Variants in RANBP3 observed in about 807,000 individuals in gnomAD.
The protein encoded by RANBP3 is ran-binding protein 3.
Under a neutral mutation model 77.3 loss-of-function variants are expected in RANBP3, and 14 were observed. The observed-to-expected ratio is 0.18, with a 90% CI of 0.12 to 0.28. The LOEUF is 0.28. RANBP3 is among the 10% of genes least tolerant of loss of function. The pLI is 1.00. For missense variants in RANBP3, 586 were observed against 752.3 expected (o/e 0.78, Z 2.59); for synonymous variants, 315 against 312.4 (o/e 1.01, Z -0.09).
At chr19:5,940,025 C>A (rs1052083914) in intron 5 of RANBP3, among the ~76,000 whole-genome samples, 11 of 152,268 alleles carry the variant, frequency 7.2e-5, no homozygotes, top group African/African-American at 2.4e-4. Context: ...GGCCAGCCAA[C>A]AGGTTTCCAC....
chr19:5,977,951 C>A, intron 1 of RANBP3, 110 bp downstream of exon 1: 1 of 1,395,644 alleles, frequency 7.2e-7, no homozygotes, highest in Admixed American at 2.6e-5. Flanking sequence ...TAGCCTGGAG[C>A]GGACGAAACC....
intron 5 of RANBP3, among the ~76,000 whole-genome samples, chr19:5,939,021 T>TA (rs376014352): frequency 1.2e-3 from 185 of 151,968 alleles, no homozygotes; most frequent in African/African-American, 4.3e-3. Context: ...CTGTCTCTAC[T>TA]AAAAAAATAC....
rs2058558953 is a variant in RANBP3, at chr19:5,973,975, G to A, written c.22+4086C>T. Among the ~76,000 whole-genome samples, 4 of 152,240 alleles carry A rather than the reference G, an allele frequency of 2.6e-5. No homozygotes were observed. In the South Asian group the frequency reaches 8.3e-4, roughly 32 times the overall value. On this transcript the variant is annotated intron_variant, in intron 1 of 16. Coordinates refer to ENST00000340578, the MANE Select transcript of RANBP3 (RefSeq NM_007322.3). ...CAGCTCTCTGAGGACCAAAGCCTGT[G>A]TCCCCACCATCGATACCAGTGAGTC...
chr19:5,973,091 G>T (rs1301123376), intron 1 of RANBP3, among the ~76,000 whole-genome samples: 6 of 152,302 alleles, frequency 3.9e-5, no homozygotes, highest in Middle Eastern at 3.4e-3. Flanking sequence ...GATACAGGAG[G>T]CACAGTGGAG....
chr19:5,923,149 G>C lies in RANBP3; in HGVS notation c.1209+45C>G, dbSNP rs761983260. 5 of 1,524,830 alleles carry C rather than the reference G, an allele frequency of 3.3e-6. No homozygotes were observed. The Admixed American group carries it at 5.0e-5, about 15-fold the overall frequency. The allele number at this position is 1,524,830 out of a possible 1,614,324, so 94.5% of individuals were successfully genotyped here. A position where few individuals can be genotyped will look rare whatever the true frequency, so the allele number is the denominator to read the frequency against. On this transcript the variant is annotated intron_variant, in intron 13 of 16. Transcript: ENST00000340578. ...CCAGCCCTTGCGGTTGGACCCCCAG[G>C]TGCATGGAAGACCCAGGGCCACCGA... is the stretch of plus-strand genomic sequence containing the variant.
chr19:5,943,808 A>G (rs1375833904), intron 3 of RANBP3, among the ~76,000 whole-genome samples: 1 of 152,188 alleles, frequency 6.6e-6, no homozygotes, highest in African/African-American at 2.4e-5. Context: ...TCCTTGTAAC[A>G]CAACAGTGGG....
At chr19:5,934,506 T>C (rs1264909350) in intron 5 of RANBP3, 2 of 152,166 alleles carry the variant, frequency 1.3e-5, no homozygotes, top group Non-Finnish European at 2.9e-5. Context: ...AGGAATAAAA[T>C]ACTTGGGAAT....
rs111914290 is a variant in RANBP3, at chr19:5,953,691, T to C, written c.79-2095A>G. ...CACATTAAAAAGAAAAAGAAAGAAC[T>C]CTATCTCCATCCAAGGCAGTTAAGA... On this transcript the variant is annotated intron_variant, in intron 2 of 16. Coordinates refer to ENST00000340578, the MANE Select transcript of RANBP3 (RefSeq NM_007322.3). Among the ~76,000 whole-genome samples, 734 of 152,300 alleles carry C rather than the reference T, an allele frequency of 4.8e-3. 7 individuals are homozygous for C. The highest frequency in any genetic ancestry group is 0.017 in the African/African-American group (707 of 41,552).
chr19:5,927,073 A>G (rs2057920610), intron 9 of RANBP3, among the ~76,000 whole-genome samples: 1 of 152,088 alleles, frequency 6.6e-6, no homozygotes, highest in Admixed American at 6.5e-5. Flanking sequence ...GACAACCACA[A>G]AAGTCTCTAG....
At chr19:5,977,335 ACT>A (rs964633237) in intron 1 of RANBP3, among the ~76,000 whole-genome samples, 3 of 151,798 alleles carry the variant, frequency 2.0e-5, no homozygotes, top group Non-Finnish European at 4.4e-5. Context: ...TGTCAAAAAC[ACT>A]CAGGTGGGCT....
In RANBP3 at chr19:5,945,560, G is replaced by A. The variant is rs76714250; in HGVS notation, c.283-3725C>T. On this transcript the variant is annotated intron_variant, in intron 3 of 16. Transcript: ENST00000340578. ...ACCTATATGTCTGTTAGGTCTGCTT[G>A]GTTTTTGTGTTGCTGAAGTCCTGTT... Among the ~76,000 whole-genome samples, 274 of 152,206 alleles carry A rather than the reference G, an allele frequency of 1.8e-3. 1 individual carries two copies. Among genetic ancestry groups the A allele is most frequent in the African/African-American group, 5.8e-3 (242 of 41,510 alleles).
rs71172783 is a variant in RANBP3, at chr19:5,937,056, CAAAAAAAAAAAAAAAAA to C, written c.407-3594_407-3578del. ...GGGCAACAGAGCAAGACTCTGTCTC[CAAAAAAAAAAAAAAAAA>C]AAAAAAAAAAAGGAAGAAAATCCCA... On this transcript the variant is annotated intron_variant, in intron 5 of 16. Coordinates refer to ENST00000340578, the MANE Select transcript of RANBP3 (RefSeq NM_007322.3). 8.9e-4 allele frequency among the ~76,000 whole-genome samples: 33 copies of C among 37,182 alleles called. 1 individual carries two copies. The highest frequency in any genetic ancestry group is 2.9e-3 in the African/African-American group (32 of 11,088). 24.4% of individuals were successfully genotyped at this position (37,182 alleles called of 152,430 possible).
At chr19:5,918,285 G>A (rs192517280) in intron 15 of RANBP3, 7 of 646,614 alleles carry the variant, frequency 1.1e-5, no homozygotes, top group Admixed American at 9.6e-5. Context: ...AAACCCCAGC[G>A]GCTTCTCTGG....
chr19:5,965,375 AATAGCAGGC>A (rs1199032554), intron 1 of RANBP3, among the ~76,000 whole-genome samples: 1 of 152,156 alleles, frequency 6.6e-6, no homozygotes, highest in Non-Finnish European at 1.5e-5. Flanking sequence ...GTGAGAGTTA[AATAGCAGGC>A]TTCCTGGTAG....
intron 1 of RANBP3, chr19:5,962,622 T>C (rs1277573144): frequency 1.5e-5 from 7 of 455,452 alleles, no homozygotes; most frequent in East Asian, 6.9e-5. Flanking sequence ...TCTCGGCCCA[T>C]TGGGACCCCT....
At chr19:5,947,329 G>T (rs1465999684) in intron 3 of RANBP3, among the ~76,000 whole-genome samples, 1 of 145,924 alleles carries the variant, frequency 6.9e-6, no homozygotes, top group Non-Finnish European at 1.5e-5. Flanking sequence ...AAAAAAAAAA[G>T]AAAGAAAAGA....
At position 5,922,710 on chromosome 19, in the gene RANBP3, C is replaced by A. The variant is rs978660883; in HGVS notation, c.1209+484G>T. On this transcript the variant is annotated intron_variant, in intron 13 of 16. Transcript: ENST00000340578. ...ATCCCAGCACTTTGGGAGGCCGAGG[C>A]GGGTGGATCACATGAGGTCAGGAGT... Among the ~76,000 whole-genome samples the A allele has an allele frequency of 2.4e-4, 37 of 152,172 alleles. 1 individual carries two copies. Among genetic ancestry groups the A allele is most frequent in the Admixed American group, 1.3e-3 (20 of 15,280 alleles).
At chr19:5,933,275 A>G in intron 6 of RANBP3, 139 bp downstream of exon 6, 1 of 662,314 alleles carries the variant, frequency 1.5e-6, no homozygotes. Context: ...CTTTAAAGGA[A>G]CTTTCCAGGG....
rs374976918 is a variant in RANBP3 at position 5,917,842 on chromosome 19, C to A, written c.1612G>T (p.Asp538Tyr). 1 of 1,612,724 alleles carries A rather than the reference C, an allele frequency of 6.2e-7. No homozygotes were observed. The highest frequency in any genetic ancestry group is 8.5e-7 in the Non-Finnish European group (1 of 1,179,838). The change falls in exon 16 of 17, where the codon GAC becomes TAC. Residue 538 changes from aspartate (D) to tyrosine (Y), a missense_variant. Asp to Tyr is a radical substitution (Grantham distance 160). Transcript: ENST00000340578. Reference sequence around the variant, plus strand: ...GCCAGGACATCGTCATCGTCGCTGTCGTCCTCCTCGTTGGATGGGGCTGCC... The same window carrying A: ...GCCAGGACATCGTCATCGTCGCTGTAGTCCTCCTCGTTGGATGGGGCTGCC... The part of the protein sequence containing the change: ...PGAAPSNEED[D>Y]SDDDDVLAPS...
Sources: allele counts gnomAD v4.1 joint callset (sites outside exome capture counted in the v4.1 genomes callset), GRCh38; gene constraint gnomAD v4.1.1; transcripts MANE v1.5; gene names NCBI Gene and HGNC (gene_info 2026-07-23, HGNC 2026-07-21).